The following DDX60L variants were observed in gnomAD, a reference collection of about 807,000 sequenced individuals.
DDX60L encodes DExD/H-box 60 like.
DDX60L carries 191 observed loss-of-function variants against 211.6 expected under a neutral mutation model. That is an observed-to-expected ratio of 0.90 (90% CI 0.80 to 1.02). The LOEUF is 1.02. DDX60L is among the 50% of genes least tolerant of loss of function. The probability of loss-of-function intolerance (pLI) is 0.00; values close to 1 mark genes in which losing one functional copy is unlikely to be tolerated. For missense variants in DDX60L, 2,007 were observed against 1,984.1 expected (o/e 1.01, Z -0.22); for synonymous variants, 706 against 694.1 (o/e 1.02, Z -0.27).
Position 168,427,225 on chromosome 4 carries a change from G to A in DDX60L, c.1775C>T (p.Ser592Phe). The change falls in exon 14 of 38, where the codon TCT (serine) becomes TTT (phenylalanine). Residue 592 changes from serine (S) to phenylalanine (F), a missense_variant. Physicochemically the swap from Ser to Phe is radical, Grantham distance 155 (BLOSUM62 -2). Coordinates refer to ENST00000682922, the MANE Select transcript of DDX60L (RefSeq NM_001012967.3). ...KAQQNDDLLFSIEEEMKNNLH... is the reference protein window; with the variant it reads ...KAQQNDDLLFFIEEEMKNNLH... ...ATTGTTCTTCATCTCCTCTTCAATA[G>A]AAAACAGCAGATCATCGTTTTGCTG... 6.2e-7 allele frequency: 1 copy of A among 1,613,686 alleles called. No homozygotes were observed. Among genetic ancestry groups the A allele is most frequent in the Non-Finnish European group, 8.5e-7 (1 of 1,179,774 alleles).
chr4:168,449,681 T>TAAAAAAA, intron 8 of DDX60L, among the ~76,000 whole-genome samples: 1 of 48,830 alleles, frequency 2.0e-5, no homozygotes, highest in Non-Finnish European at 4.5e-5. Flanking sequence ...AAGAAAAAAA[T>TAAAAAAA]TACTAAATGA....
At chr4:168,431,593 C>T (rs1033239373) in intron 12 of DDX60L, among the ~76,000 whole-genome samples, 1 of 151,082 alleles carries the variant, frequency 6.6e-6, no homozygotes, top group Non-Finnish European at 1.5e-5. Context: ...AAGAGATATA[C>T]CTAATGCTAA....
intron 29 of DDX60L, chr4:168,390,401 C>T: frequency 7.9e-7 from 1 of 1,270,328 alleles, no homozygotes; most frequent in Non-Finnish European, 9.9e-7. Context: ...TATAGCTATA[C>T]TTGAGAAAAG....
chr4:168,407,303 C>G lies in DDX60L; in HGVS notation c.2980-597G>C, dbSNP rs565836992. Among the ~76,000 whole-genome samples, 6 of 152,280 alleles carry G rather than the reference C, an allele frequency of 3.9e-5. No individual in the cohort carries two copies. In the South Asian group the frequency reaches 1.2e-3, roughly 32 times the overall value. On this transcript the variant is annotated intron_variant, in intron 22 of 37. Coordinates refer to ENST00000682922, the MANE Select transcript of DDX60L (RefSeq NM_001012967.3). ...ACCCTGGTTACTGATCAGCTTCCGTCTGAAGCCTTTAGAACTCATGCACTA... is the reference window on the plus strand; with the variant it reads ...ACCCTGGTTACTGATCAGCTTCCGTGTGAAGCCTTTAGAACTCATGCACTA...
intron 29 of DDX60L, among the ~76,000 whole-genome samples, chr4:168,386,255 C>T (rs1434445583): frequency 6.6e-6 from 1 of 152,186 alleles, no homozygotes; most frequent in Non-Finnish European, 1.5e-5. Context: ...CCAACAGCAA[C>T]TGTTCCCTAT....
intron 7 of DDX60L, among the ~76,000 whole-genome samples, chr4:168,455,165 T>A (rs1376066405): frequency 1.3e-5 from 2 of 152,060 alleles, no homozygotes; most frequent in Non-Finnish European, 2.9e-5. Flanking sequence ...GTCACATTAT[T>A]TCTTTCTTTT....
chr4:168,472,605 A>G (rs1043734875), intron 2 of DDX60L, 81 bp from the exon 3 acceptor site: 1 of 1,576,632 alleles, frequency 6.3e-7, no homozygotes, highest in Non-Finnish European at 8.7e-7. Flanking sequence ...AATGAAATAT[A>G]GACATCCAAT....
At chr4:168,406,243 A>G (rs563136452) in intron 23 of DDX60L, among the ~76,000 whole-genome samples, 165 bp from the exon 24 acceptor site, 41 of 152,260 alleles carry the variant, frequency 2.7e-4, no homozygotes, top group Non-Finnish European at 2.9e-5. Context: ...CTAACACATA[A>G]ACCTATGATG....
chr4:168,430,378 A>G (rs1752161221), intron 13 of DDX60L, 100 bp downstream of exon 13: 2 of 1,037,292 alleles, frequency 1.9e-6, no homozygotes, highest in African/African-American at 3.3e-5. Flanking sequence ...AGCAAACATG[A>G]GAAAGAAGAG....
chr4:168,406,634 C>A lies in DDX60L; in HGVS notation c.3052G>T (p.Ala1018Ser), dbSNP rs1747796666. 2 of 1,604,308 alleles carry A rather than the reference C, an allele frequency of 1.2e-6. No homozygotes were observed. Among genetic ancestry groups the A allele is most frequent in the East Asian group, 4.5e-5 (2 of 44,668 alleles). ...CTGGGCCAAGTTTCCCAGACTTGAG[C>A]CATGGTATCATAAAGCTGGATGCTT... ...QESIQLYDTM[A>S]QVWETWPRAQ... is the part of the protein sequence containing the mutation. The change falls in exon 23 of 38, where the codon GCT becomes TCT. Residue 1018 changes from alanine (A) to serine (S), a missense_variant. Ala to Ser is a moderately conservative substitution (Grantham distance 99). Coordinates refer to ENST00000682922, the MANE Select transcript of DDX60L (RefSeq NM_001012967.3).
In DDX60L at chr4:168,404,133, A is replaced by T. The variant is rs1201557075; in HGVS notation, c.3214-27T>A. On this transcript the variant is annotated intron_variant, in intron 24 of 37. Coordinates refer to ENST00000682922, the MANE Select transcript of DDX60L (RefSeq NM_001012967.3). ...TACAACAGTAAGTAAAAATTATTTA[A>T]AAAAAAAAAAAGAATTTGTGGAAAC... 12 of 1,065,216 alleles carry T rather than the reference A, an allele frequency of 1.1e-5. No individual in the cohort carries two copies. In the Admixed American group the frequency reaches 1.6e-4, roughly 14 times the overall value. 66.0% of individuals were successfully genotyped at this position (1,065,216 alleles called of 1,614,324 possible).
intron 10 of DDX60L, among the ~76,000 whole-genome samples, chr4:168,436,648 A>G (rs1345005973): frequency 6.6e-6 from 1 of 152,206 alleles, no homozygotes; most frequent in African/African-American, 2.4e-5. Context: ...AATTATAGGC[A>G]TAATTCACAA....
chr4:168,375,106 C>T (rs75254636), intron 34 of DDX60L, among the ~76,000 whole-genome samples: 1 of 152,170 alleles, frequency 6.6e-6, no homozygotes, highest in Non-Finnish European at 1.5e-5. Context: ...AACTTTCCAT[C>T]AAAATGGTTC....
Position 168,358,060 on chromosome 4 carries a change from T to C in DDX60L, c.*87A>G. On this transcript the variant is annotated 3_prime_UTR_variant, in exon 38 of 38. Transcript: ENST00000682922. ...CTGTTTGACTCCAAGACAAACATTT[T>C]TTCCATTTCATTGTGTAAGCTTAAT... is the stretch of plus-strand genomic sequence containing the variant. 1 of 1,239,920 alleles carries C rather than the reference T, an allele frequency of 8.1e-7. No homozygotes were observed. The allele number at this position is 1,239,920 out of a possible 1,614,324, so 76.8% of individuals were successfully genotyped here.
At chr4:168,420,496 ACACACACAC>A (rs1397324724) in intron 17 of DDX60L, 116 bp from the exon 18 acceptor site, 2 of 732,572 alleles carry the variant, frequency 2.7e-6, no homozygotes. Context: ...ACACACACAC[ACACACACAC>A]TTCAATGAAA....
At chr4:168,413,993 A>G (rs940841523) in intron 22 of DDX60L, among the ~76,000 whole-genome samples, 1 of 152,218 alleles carries the variant, frequency 6.6e-6, no homozygotes, top group African/African-American at 2.4e-5. Flanking sequence ...AGCAAGAGAA[A>G]AGAAACAAAT....
intron 1 of DDX60L, among the ~76,000 whole-genome samples, chr4:168,478,559 C>A (rs1043111790): frequency 1.3e-5 from 2 of 152,148 alleles, no homozygotes. Flanking sequence ...TCCATACTTA[C>A]AAAGCAGAAA....
intron 1 of DDX60L, among the ~76,000 whole-genome samples, chr4:168,478,353 G>A (rs1183809173): frequency 6.6e-6 from 1 of 152,118 alleles, no homozygotes; most frequent in East Asian, 1.9e-4. Flanking sequence ...AATTTGAGAG[G>A]GAATTAGGAT....
chr4:168,397,090 A>G (rs1745932377), intron 26 of DDX60L, among the ~76,000 whole-genome samples: 1 of 152,222 alleles, frequency 6.6e-6, no homozygotes, highest in Non-Finnish European at 1.5e-5. Context: ...AAGTAAGGAC[A>G]CAGAGAAGAC....
Sources: allele counts gnomAD v4.1 joint callset (sites outside exome capture counted in the v4.1 genomes callset), GRCh38; gene constraint gnomAD v4.1.1; transcripts MANE v1.5; gene names NCBI Gene and HGNC (gene_info 2026-07-23, HGNC 2026-07-21).